The following SESN2 variants were observed in gnomAD, a reference collection of about 807,000 sequenced individuals.
SESN2 encodes sestrin-2.
Under a neutral mutation model 56.0 loss-of-function variants are expected in SESN2, and 42 were observed. The observed-to-expected ratio is 0.75, with a 90% CI of 0.59 to 0.97. The LOEUF is 0.97. Ranked by LOEUF, SESN2 falls within the 50% of genes least tolerant of loss-of-function variation. SESN2 has a pLI of 0.00. For synonymous variants in SESN2, 264 were observed against 267.1 expected, an observed-to-expected ratio of 0.99 and a Z score of 0.11; for missense variants, 507 against 649.4, an observed-to-expected ratio of 0.78 and a Z score of 2.38.
rs1366927426 is a variant in SESN2 at position 28,269,223 on chromosome 1, C to T, written c.131C>T (p.Pro44Leu). ...CGGGCTCGGCGAGGCCCTCGAGGGC[C>T]CAGCGCCTTCATCCCCGTGGAGGAG... is the stretch of plus-strand genomic sequence containing the variant. ...ESRARRGPRG[P>L]SAFIPVEEVL... The change falls in exon 2 of 10, where the codon CCC (proline) becomes CTC (leucine). Residue 44 changes from proline (P) to leucine (L), a missense_variant. Pro to Leu is a moderately conservative substitution (Grantham distance 98). Coordinates refer to ENST00000253063, the MANE Select transcript of SESN2 (RefSeq NM_031459.5). 2 of 1,612,792 alleles carry T rather than the reference C, an allele frequency of 1.2e-6. No individual in the cohort carries two copies. The highest frequency in any genetic ancestry group is 2.2e-5 in the East Asian group (1 of 44,784).
At chr1:28,260,174 C>T (rs1440180072) in intron 1 of SESN2, among the ~76,000 whole-genome samples, 1 of 150,240 alleles carries the variant, frequency 6.7e-6, no homozygotes, top group Non-Finnish European at 1.5e-5. Context: ...CTCTCCCCCT[C>T]TCCCTCACCG....
At chr1:28,275,146 T>C (rs1647985745) in intron 8 of SESN2, 131 bp downstream of exon 8, 2 of 650,130 alleles carry the variant, frequency 3.1e-6, no homozygotes, top group African/African-American at 1.8e-5. Flanking sequence ...TCAAAGCAAA[T>C]TGTGATTTTA....
At chr1:28,260,063 A>G in intron 1 of SESN2, 126 bp downstream of exon 1, 1 of 657,498 alleles carries the variant, frequency 1.5e-6, no homozygotes, top group Non-Finnish European at 2.3e-6. Context: ...GTAACCCGGG[A>G]CCCGGGTTGC....
intron 1 of SESN2, among the ~76,000 whole-genome samples, chr1:28,262,825 G>A (rs1183612411): frequency 7.2e-5 from 11 of 152,066 alleles, no homozygotes; most frequent in African/African-American, 2.4e-4. Context: ...CTACTCCGGA[G>A]GCTGAGGTAG....
chr1:28,276,902 T>A (rs147568991), intron 8 of SESN2, among the ~76,000 whole-genome samples: 5,397 of 144,880 alleles, frequency 0.037, 140 homozygotes, highest in Middle Eastern at 0.056. Flanking sequence ...TTTTTTAATT[T>A]ATTTATTTAT....
At chr1:28,260,259 C>T (rs1294235478) in intron 1 of SESN2, among the ~76,000 whole-genome samples, 1 of 151,996 alleles carries the variant, frequency 6.6e-6, no homozygotes, top group African/African-American at 2.4e-5. Flanking sequence ...CTTCTGGAGG[C>T]TCTCCGAGCT....
rs926632005 is a variant in SESN2, at chr1:28,259,683, A to C, written c.-165A>C. On this transcript the variant is annotated 5_prime_UTR_variant, in exon 1 of 10. Coordinates refer to ENST00000253063, the MANE Select transcript of SESN2 (RefSeq NM_031459.5). ...GACTGGGGGAAGAGTCCAGCACCAA[A>C]GCGGCCGTTCTCGGATTCCGGAGCG... 8.0e-5 allele frequency: 41 copies of C among 515,646 alleles called. No homozygotes were observed. The highest frequency in any genetic ancestry group is 1.2e-4 in the Non-Finnish European group (37 of 300,986). The allele number at this position is 515,646 out of a possible 1,614,324, so 31.9% of individuals were successfully genotyped here.
In SESN2 at chr1:28,272,208, C is replaced by T; in HGVS notation, c.355-76C>T. 14 of 1,484,908 alleles carry T rather than the reference C, an allele frequency of 9.4e-6. No individual in the cohort carries two copies. The Admixed American group carries it at 2.4e-4, about 26-fold the overall frequency. The allele number at this position is 1,484,908 out of a possible 1,614,324, so 92.0% of individuals were successfully genotyped here. A position where few individuals can be genotyped will look rare whatever the true frequency, so the allele number is the denominator to read the frequency against. ...GGGAACAGTGAGCCCTACAACCTCTCCCCTGATGGGGTACCCACCCTGAGC... is the reference window on the plus strand; with the variant it reads ...GGGAACAGTGAGCCCTACAACCTCTTCCCTGATGGGGTACCCACCCTGAGC... On this transcript the variant is annotated intron_variant, in intron 3 of 9. Coordinates refer to ENST00000253063, the MANE Select transcript of SESN2 (RefSeq NM_031459.5).
intron 5 of SESN2, 44 bp from the exon 6 acceptor site, chr1:28,273,314 T>C: frequency 6.6e-7 from 1 of 1,511,324 alleles, no homozygotes; most frequent in Non-Finnish European, 8.9e-7. Context: ...TCCCAGAGGC[T>C]GAAGGAGGAG....
intron 8 of SESN2, among the ~76,000 whole-genome samples, chr1:28,278,772 G>A (rs1648134165): frequency 6.6e-6 from 1 of 152,144 alleles, no homozygotes; most frequent in African/African-American, 2.4e-5. Flanking sequence ...CTATAACATG[G>A]GGTTGATGAA....
chr1:28,274,046 T>A lies in SESN2; in HGVS notation c.908T>A (p.Ile303Asn). 7 of 1,611,552 alleles carry A rather than the reference T, an allele frequency of 4.3e-6. No homozygotes were observed. Among genetic ancestry groups the A allele is most frequent in the Non-Finnish European group, 5.9e-6 (7 of 1,177,692 alleles). The stretch of plus-strand genomic sequence containing the variant: ...ACCTCTTTCTGGTCCTCAGCTGACA[T>A]CCTGGAGCCCTCTCCACACCCAGAC... ...ESLLVTPSAD[I>N]LEPSPHPDML... Residue 303 changes from isoleucine to asparagine, a missense_variant, in exon 7 of 10, where the codon ATC (isoleucine) becomes AAC (asparagine). Transcript: ENST00000253063.
chr1:28,274,069 G>A lies in SESN2; in HGVS notation c.931G>A (p.Asp311Asn), dbSNP rs1647925201. ...CATCCTGGAGCCCTCTCCACACCCA[G>A]ACATGCTGTGCTTTGTGGAAGACCC... is the stretch of plus-strand genomic sequence containing the variant. ...ADILEPSPHP[D>N]MLCFVEDPTF... Residue 311 changes from aspartate (D) to asparagine (N), a missense_variant, in exon 7 of 10, where the codon GAC becomes AAC. Coordinates refer to ENST00000253063, the MANE Select transcript of SESN2 (RefSeq NM_031459.5). The A allele has an allele frequency of 1.2e-6, 2 of 1,614,096 alleles. No individual in the cohort carries two copies. Among genetic ancestry groups the A allele is most frequent in the Non-Finnish European group, 1.7e-6 (2 of 1,179,960 alleles).
At chr1:28,276,655 C>T (rs1330311192) in intron 8 of SESN2, among the ~76,000 whole-genome samples, 3 of 134,644 alleles carry the variant, frequency 2.2e-5, no homozygotes, top group Non-Finnish European at 4.6e-5. Flanking sequence ...TCTCAGCTCA[C>T]TGCAACCTCC....
In SESN2 at chr1:28,272,742, C is replaced by G; in HGVS notation, c.699C>G (p.Pro233=). The G allele has an allele frequency of 3.1e-6, 5 of 1,612,212 alleles. No homozygotes were observed. The South Asian group carries it at 4.4e-5, about 14-fold the overall frequency. ...GCCCTGCCCCCCAGGCACCTACACC[C>G]CCTAGTGAACAGAGCAGCCCCCCAA... ...DGSPAPQAPT[P]PSEQSSPPSR... Residue 233 remains proline, a synonymous_variant, in exon 5 of 10, where the codon CCC becomes CCG. Coordinates refer to ENST00000253063, the MANE Select transcript of SESN2 (RefSeq NM_031459.5).
At chr1:28,272,830 C>T (rs1647839748) in intron 5 of SESN2, 37 bp downstream of exon 5, 3 of 1,227,820 alleles carry the variant, frequency 2.4e-6, no homozygotes, top group African/African-American at 1.5e-5. Flanking sequence ...GGGGAGGAAG[C>T]GGGCATGACC....
chr1:28,271,689 G>A lies in SESN2; in HGVS notation c.172G>A (p.Ala58Thr). 6.2e-7 allele frequency: 1 copy of A among 1,614,146 alleles called. No homozygotes were observed. The highest frequency in any genetic ancestry group is 8.5e-7 in the Non-Finnish European group (1 of 1,180,004). The change falls in exon 3 of 10, where the codon GCT (alanine) becomes ACT (threonine). Residue 58 changes from alanine to threonine, a missense_variant. Ala to Thr is a moderately conservative substitution (Grantham distance 58, BLOSUM62 0). Transcript: ENST00000253063. ...TGGTTGGCAGGTCCTTCGGGAGGGG[G>A]CTGAGAGCCTCGAGCAGCACCTGGG... Reference protein sequence around the residue: ...IPVEEVLREGAESLEQHLGLE... With the variant: ...IPVEEVLREGTESLEQHLGLE...
In SESN2 at chr1:28,272,758, A is replaced by C; in HGVS notation, c.715A>C (p.Ser239Arg). The change falls in exon 5 of 10, where the codon AGC becomes CGC. Residue 239 changes from serine to arginine, a missense_variant. Coordinates refer to ENST00000253063, the MANE Select transcript of SESN2 (RefSeq NM_031459.5). ...ACCTACACCCCCTAGTGAACAGAGC[A>C]GCCCCCCAAGCAGGGACCCGTTGAA... ...QAPTPPSEQSSPPSRDPLNNS... is the reference protein window; with the variant it reads ...QAPTPPSEQSRPPSRDPLNNS... 1 of 1,607,672 alleles carries C rather than the reference A, an allele frequency of 6.2e-7. No homozygotes were observed. Among genetic ancestry groups the C allele is most frequent in the Non-Finnish European group, 8.5e-7 (1 of 1,175,354 alleles).
At chr1:28,276,749 T>C (rs1648060960) in intron 8 of SESN2, among the ~76,000 whole-genome samples, 1 of 151,110 alleles carries the variant, frequency 6.6e-6, no homozygotes, top group South Asian at 2.1e-4. Flanking sequence ...CCAGCTAATT[T>C]TGTATTTTTA....
intron 9 of SESN2, among the ~76,000 whole-genome samples, chr1:28,279,690 C>T (rs1162601235): frequency 2.0e-5 from 3 of 151,432 alleles, no homozygotes; most frequent in South Asian, 2.1e-4. Flanking sequence ...GGACTACAGG[C>T]GTGTGCCACC....
Sources: gnomAD v4.1 joint callset for allele counts (sites outside exome capture counted in the v4.1 genomes callset) on GRCh38, gnomAD v4.1.1 for gene constraint, MANE v1.5 for transcripts, NCBI Gene and HGNC (gene_info 2026-07-23, HGNC 2026-07-21) for gene names.